The following ACKR3 variants were observed in gnomAD, a reference collection of about 807,000 sequenced individuals.
ACKR3 encodes C-X-C chemokine receptor type 7.
A neutral mutation model predicts 22.4 loss-of-function variants in ACKR3; 6 were observed. The observed-to-expected ratio is 0.27, with a 90% CI of 0.15 to 0.53. The LOEUF is 0.53. ACKR3 is among the 20% of genes least tolerant of loss of function. ACKR3 has a pLI of 0.96. For synonymous variants in ACKR3, 209 were observed against 205.2 expected (o/e 1.02, Z -0.16); for missense variants, 396 against 475.2 (o/e 0.83, Z 1.55).
At chr2:236,552,303 T>A in the ACKR3 span, among the ~76,000 whole-genome samples, 5 of 152,150 alleles carry the variant, frequency 3.3e-5, no homozygotes, top group African/African-American at 1.2e-4. Context: ...GGACAGATGC[T>A]GGGGAGAGAA....
At chr2:236,544,200 G>T in the ACKR3 span, among the ~76,000 whole-genome samples, 4 of 151,874 alleles carry the variant, frequency 2.6e-5, no homozygotes, top group East Asian at 7.8e-4. This position sits in a 1 kb window ranked among gnomAD's most constrained non-coding sequence, Gnocchi z 5.0. Context: ...ATATTGGCAA[G>T]GCTGGTCTCG....
chr2:236,564,471 A>C (rs1261178160), upstream of ACKR3, among the ~76,000 whole-genome samples: 1 of 152,176 alleles, frequency 6.6e-6, no homozygotes, highest in African/African-American at 2.4e-5. Context: ...AAGACCTTCT[A>C]TCTGGCAACA....
chr2:236,560,314 GCC>G, the ACKR3 span, among the ~76,000 whole-genome samples: 6 of 126,936 alleles, frequency 4.7e-5, no homozygotes, highest in African/African-American at 1.5e-4. Context: ...AGCACTTGTT[GCC>G]TTTTTTTTTT....
Position 236,582,065 on chromosome 2 carries a change from T to TATATATATAA in ACKR3, c.*529_*538dup, listed in dbSNP as rs540554440. 2 of 163,502 alleles carry TATATATATAA rather than the reference T, an allele frequency of 1.2e-5. No homozygotes were observed. The highest frequency in any genetic ancestry group is 1.3e-4 in the Admixed American group (2 of 14,878). The allele number at this position is 163,502 out of a possible 1,614,324, so 10.1% of individuals were successfully genotyped here. A position where few individuals can be genotyped will look rare whatever the true frequency, so the allele number is the denominator to read the frequency against. On this transcript the variant is annotated 3_prime_UTR_variant, in exon 2 of 2. Coordinates refer to ENST00000272928, the MANE Select transcript of ACKR3 (RefSeq NM_020311.3). ...CTAATTGTTAGCTGTTTTGAAATTATATATATATAAATATATATAAATATA... is the reference window on the plus strand; with the variant it reads ...CTAATTGTTAGCTGTTTTGAAATTATATATATATAAATATATATAAATATATATAAATATA...
intron 1 of ACKR3, among the ~76,000 whole-genome samples, chr2:236,572,234 C>G (rs960339121): frequency 2.0e-5 from 3 of 152,284 alleles, no homozygotes; most frequent in African/African-American, 7.2e-5. Context: ...AAACAAAACA[C>G]TATTGCTTCA....
At position 236,581,342 on chromosome 2, in the gene ACKR3, C is replaced by A; in HGVS notation, c.877C>A (p.Leu293Ile). Residue 293 changes from leucine (L) to isoleucine (I), a missense_variant, in exon 2 of 2, where the codon CTC becomes ATC. Coordinates refer to ENST00000272928, the MANE Select transcript of ACKR3 (RefSeq NM_020311.3). This position sits in a 1 kb window ranked among gnomAD's most constrained non-coding sequence, Gnocchi z 4.4. Reference sequence around the variant, plus strand: ...TTTCACCTGCCGGCTGGAGCACGCCCTCTTCACGGCCCTGCATGTCACACA... The same window carrying A: ...TTTCACCTGCCGGCTGGAGCACGCCATCTTCACGGCCCTGCATGTCACACA... ...IPFTCRLEHA[L>I]FTALHVTQCL... The A allele has an allele frequency of 6.2e-7, 1 of 1,614,038 alleles. No homozygotes were observed. Among genetic ancestry groups the A allele is most frequent in the East Asian group, 2.2e-5 (1 of 44,870 alleles).
At chr2:236,562,128 C>T in the ACKR3 span, among the ~76,000 whole-genome samples, 1 of 152,224 alleles carries the variant, frequency 6.6e-6, no homozygotes, top group South Asian at 2.1e-4. Flanking sequence ...CAAATTCATA[C>T]ATGTCGAATA....
At position 236,581,572 on chromosome 2, in the gene ACKR3, C is replaced by G. The variant is rs1383011207; in HGVS notation, c.*18C>G. 1 of 1,601,516 alleles carries G rather than the reference C, an allele frequency of 6.2e-7. No individual in the cohort carries two copies. Among genetic ancestry groups the G allele is most frequent in the African/African-American group, 1.3e-5 (1 of 74,652 alleles). On this transcript the variant is annotated 3_prime_UTR_variant, in exon 2 of 2. Coordinates refer to ENST00000272928, the MANE Select transcript of ACKR3 (RefSeq NM_020311.3). The surrounding 1 kb of genome is among the most constrained non-coding windows in gnomAD (Gnocchi z 4.4). ...CCAAATGATCTGCCCTGGAGAGGCT[C>G]TGGGACGGGTTTACTTGTTTTTGAA...
At chr2:236,549,218 G>A in the ACKR3 span, among the ~76,000 whole-genome samples, 1 of 152,156 alleles carries the variant, frequency 6.6e-6, no homozygotes, top group African/African-American at 2.4e-5. The surrounding 1 kb of genome is among the most constrained non-coding windows in gnomAD (Gnocchi z 5.3). Flanking sequence ...CTCCGACCCT[G>A]CAGACCCAAA....
At chr2:236,545,411 T>C in the ACKR3 span, among the ~76,000 whole-genome samples, 41 of 152,192 alleles carry the variant, frequency 2.7e-4, no homozygotes, top group Non-Finnish European at 5.1e-4. The surrounding 1 kb of genome is among the most constrained non-coding windows in gnomAD (Gnocchi z 5.3). Context: ...TCACATCACG[T>C]AGAAACTCAG....
At chr2:236,550,053 T>C in the ACKR3 span, among the ~76,000 whole-genome samples, 3,012 of 152,240 alleles carry the variant, frequency 0.02, 90 homozygotes, top group African/African-American at 0.069. This position sits in a 1 kb window ranked among gnomAD's most constrained non-coding sequence, Gnocchi z 4.6. Context: ...TGACAAGGGC[T>C]CTTTAAATGC....
At chr2:236,555,084 C>T in the ACKR3 span, among the ~76,000 whole-genome samples, 288 of 152,342 alleles carry the variant, frequency 1.9e-3, no homozygotes, top group African/African-American at 6.7e-3. Context: ...GGCAGGTGGC[C>T]TCCACTTCCT....
the ACKR3 span, among the ~76,000 whole-genome samples, chr2:236,558,158 C>A: frequency 1.3e-5 from 2 of 152,180 alleles, no homozygotes; most frequent in Non-Finnish European, 2.9e-5. Context: ...TGGAAAAAAG[C>A]AGCTTTATTG....
At chr2:236,555,785 A>G in the ACKR3 span, among the ~76,000 whole-genome samples, 1 of 151,650 alleles carries the variant, frequency 6.6e-6, no homozygotes, top group Middle Eastern at 3.2e-3. Context: ...TTACCAACAA[A>G]TAATATCAAC....
At chr2:236,579,791 G>C (rs996137370) in intron 1 of ACKR3, among the ~76,000 whole-genome samples, 3 of 152,236 alleles carry the variant, frequency 2.0e-5, no homozygotes, top group Non-Finnish European at 2.9e-5. Context: ...GCGCAGTTAA[G>C]CTGTGGGGCA....
At chr2:236,554,406 A>G in the ACKR3 span, among the ~76,000 whole-genome samples, 1 of 152,234 alleles carries the variant, frequency 6.6e-6, no homozygotes, top group Non-Finnish European at 1.5e-5. Flanking sequence ...TAATTATAAC[A>G]GAGGACTGGA....
chr2:236,575,312 C>T (rs922675688), intron 1 of ACKR3, among the ~76,000 whole-genome samples: 12 of 152,218 alleles, frequency 7.9e-5, no homozygotes, highest in Admixed American at 2.0e-4. Context: ...TCTATGCCTT[C>T]GTGCACATGT....
At chr2:236,544,663 C>G in the ACKR3 span, among the ~76,000 whole-genome samples, 1 of 152,128 alleles carries the variant, frequency 6.6e-6, no homozygotes, top group South Asian at 2.1e-4. This position sits in a 1 kb window ranked among gnomAD's most constrained non-coding sequence, Gnocchi z 5.0. Context: ...AGACGGTCCC[C>G]GGGATTCTGG....
At chr2:236,561,407 G>A in the ACKR3 span, among the ~76,000 whole-genome samples, 1 of 151,846 alleles carries the variant, frequency 6.6e-6, no homozygotes, top group African/African-American at 2.4e-5. Context: ...AATTTCCCTC[G>A]GTACTATTTT....
Sources: allele counts gnomAD v4.1 joint callset (sites outside exome capture counted in the v4.1 genomes callset), GRCh38; gene constraint gnomAD v4.1.1; non-coding constraint Gnocchi (gnomAD v3.1); transcripts MANE v1.5; gene names NCBI Gene and HGNC (gene_info 2026-07-23, HGNC 2026-07-21).